GPHN: variants seen among roughly 807,000 people sequenced by gnomAD.
The protein encoded by GPHN is gephyrin.
Under a neutral mutation model 95.5 loss-of-function variants are expected in GPHN, and 17 were observed. That is an observed-to-expected ratio of 0.18 (90% CI 0.12 to 0.27). The LOEUF is 0.27. Ranked by LOEUF, GPHN falls within the 10% of genes least tolerant of loss-of-function variation. The pLI is 1.00. For synonymous variants in GPHN, 320 were observed against 322.5 expected (o/e 0.99, Z 0.08); for missense variants, 660 against 978.1 (o/e 0.67, Z 4.34).
the GPHN span, chr14:67,646,440 A>G: frequency 5.4e-6 from 3 of 551,452 alleles, no homozygotes; most frequent in Non-Finnish European, 9.7e-6. Context: ...TTGAGAAAGC[A>G]ATACTGTGTT....
At chr14:67,275,772 G>A in the GPHN span, among the ~76,000 whole-genome samples, 1 of 152,102 alleles carries the variant, frequency 6.6e-6, no homozygotes, top group Non-Finnish European at 1.5e-5. Flanking sequence ...TGGTTGGTAG[G>A]CTATTAATTA....
At chr14:67,068,921 C>G (rs539178696) in intron 11 of GPHN, among the ~76,000 whole-genome samples, 49 of 152,188 alleles carry the variant, frequency 3.2e-4, no homozygotes, top group Non-Finnish European at 6.5e-4. Context: ...TTCTGAAGCT[C>G]TTGATTCCAA....
At position 66,707,990 on chromosome 14, in the gene GPHN, A is replaced by G. The variant is rs140661962; in HGVS notation, c.143+26805A>G. Among the ~76,000 whole-genome samples the G allele has an allele frequency of 1.7e-3, 262 of 152,316 alleles. 14 individuals are homozygous for G. The South Asian group carries it at 0.05, about 29-fold the overall frequency. ...TATACATTGCATTCTTATTAGCTAT[A>G]GTCACCCTATAAAGTTTCAAAAGCT... is the stretch of plus-strand genomic sequence containing the variant. On this transcript the variant is annotated intron_variant, in intron 2 of 22. Transcript: ENST00000478722.
rs573810008 is a variant in GPHN at position 67,175,007 on chromosome 14, A to T, written c.2080-4571A>T. Among the ~76,000 whole-genome samples, 4 of 151,850 alleles carry T rather than the reference A, an allele frequency of 2.6e-5. No individual in the cohort carries two copies. In the South Asian group the frequency reaches 8.3e-4, roughly 32 times the overall value. ...TTGTCAGATGGGTAGATTGTAAAAA[A>T]TTTTTTCCATTCTGTAGGTTGCTTG... On this transcript the variant is annotated intron_variant, in intron 21 of 22. Transcript: ENST00000478722.
chr14:67,577,820 TA>T, the GPHN span, among the ~76,000 whole-genome samples: 1 of 152,214 alleles, frequency 6.6e-6, no homozygotes, highest in Non-Finnish European at 1.5e-5. Context: ...GAGAACATTT[TA>T]AAAAGGAAAC....
the GPHN span, chr14:67,198,229 C>G: frequency 6.2e-7 from 1 of 1,613,938 alleles, no homozygotes. Flanking sequence ...ACCCCACACT[C>G]CCATGATCCG....
At chr14:66,748,913 A>T (rs550501142) in intron 2 of GPHN, among the ~76,000 whole-genome samples, 1 of 151,952 alleles carries the variant, frequency 6.6e-6, no homozygotes, top group Non-Finnish European at 1.5e-5. Context: ...GTTTTGGAGC[A>T]TTTCAGATTT....
chr14:67,718,971 A>G, the GPHN span, among the ~76,000 whole-genome samples: 1 of 152,250 alleles, frequency 6.6e-6, no homozygotes, highest in African/African-American at 2.4e-5. Flanking sequence ...AGATAAATTG[A>G]TAAAAGTTTA....
the GPHN span, among the ~76,000 whole-genome samples, chr14:67,417,831 C>G: frequency 1.3e-5 from 2 of 152,166 alleles, no homozygotes; most frequent in East Asian, 3.9e-4. Flanking sequence ...GCAGCCTCAG[C>G]CTCCCAGGCT....
the GPHN span, chr14:67,199,454 A>G: frequency 6.2e-7 from 1 of 1,613,132 alleles, no homozygotes; most frequent in South Asian, 1.1e-5. Flanking sequence ...AACCCCCAAG[A>G]TTATGTGGGA....
At chr14:67,517,159 A>T in the GPHN span, among the ~76,000 whole-genome samples, 1 of 152,190 alleles carries the variant, frequency 6.6e-6, no homozygotes, top group Admixed American at 6.5e-5. Context: ...CGCTGGCAAG[A>T]AGCAGCTAGT....
intron 1 of GPHN, among the ~76,000 whole-genome samples, chr14:66,564,095 C>T (rs1430707060): frequency 6.6e-6 from 1 of 152,032 alleles, no homozygotes; most frequent in Non-Finnish European, 1.5e-5. Context: ...GAATTGATAG[C>T]TATCTCTATG....
intron 8 of GPHN, among the ~76,000 whole-genome samples, chr14:66,955,266 G>A (rs2068409759): frequency 6.6e-6 from 1 of 152,088 alleles, no homozygotes; most frequent in Non-Finnish European, 1.5e-5. Flanking sequence ...GTATTTTTAT[G>A]TACTGATTCA....
chr14:66,870,073 T>C (rs1174245675), intron 4 of GPHN, among the ~76,000 whole-genome samples: 1 of 152,224 alleles, frequency 6.6e-6, no homozygotes, highest in Non-Finnish European at 1.5e-5. Context: ...TCATAGATGA[T>C]GATCTTTTAC....
chr14:67,020,632 C>A (rs938188392), intron 9 of GPHN, among the ~76,000 whole-genome samples: 1 of 151,958 alleles, frequency 6.6e-6, no homozygotes, highest in African/African-American at 2.4e-5. Flanking sequence ...AATGAATATA[C>A]CCTATGTTTT....
intron 2 of GPHN, among the ~76,000 whole-genome samples, chr14:66,763,219 A>T (rs989722829): frequency 1.0e-4 from 11 of 108,408 alleles, no homozygotes; most frequent in Non-Finnish European, 1.5e-4. Context: ...TTTTTTTTTT[A>T]ATCTTTTTTT....
At chr14:66,890,709 T>C (rs1433747610) in intron 5 of GPHN, among the ~76,000 whole-genome samples, 1 of 151,822 alleles carries the variant, frequency 6.6e-6, no homozygotes, top group African/African-American at 2.4e-5. Context: ...CAGCAACATA[T>C]TAAAAAGAAT....
At chr14:67,131,960 A>G (rs2079745077) in intron 17 of GPHN, among the ~76,000 whole-genome samples, 1 of 152,136 alleles carries the variant, frequency 6.6e-6, no homozygotes, top group African/African-American at 2.4e-5. Flanking sequence ...GGGCTGGGAA[A>G]TTCCCATCAT....
intron 8 of GPHN, among the ~76,000 whole-genome samples, chr14:66,939,886 G>T (rs2067319612): frequency 6.6e-6 from 1 of 152,162 alleles, no homozygotes; most frequent in Admixed American, 6.5e-5. Flanking sequence ...ATGACCGTTT[G>T]GAGGTTGATG....
Sources: gnomAD v4.1 joint callset for allele counts (sites outside exome capture counted in the v4.1 genomes callset) on GRCh38, gnomAD v4.1.1 for gene constraint, MANE v1.5 for transcripts, NCBI Gene and HGNC (gene_info 2026-07-23, HGNC 2026-07-21) for gene names.